COX10: variants seen among roughly 807,000 people sequenced by gnomAD.
COX10 encodes the protein protoheme IX farnesyltransferase, mitochondrial.
In COX10, 27 loss-of-function variants were observed where a neutral mutation model predicts 37.3. The ratio of observed to expected loss-of-function variants is 0.72; its 90% CI spans 0.53 to 1.00. COX10 has a LOEUF of 1.00. Among genes scored for constraint, COX10 ranks in the 50% least tolerant of loss-of-function variants. The probability of loss-of-function intolerance (pLI) is 0.00; values close to 1 mark genes in which losing one functional copy is unlikely to be tolerated. For missense variants in COX10, 475 were observed against 563.2 expected, an observed-to-expected ratio of 0.84 and a Z score of 1.59; for synonymous variants, 222 against 229.1, an observed-to-expected ratio of 0.97 and a Z score of 0.28.
rs1367048860 is a variant in COX10 at position 14,074,373 on chromosome 17, T to G, written c.94T>G (p.Ser32Ala). The change falls in exon 2 of 7, where the codon TCC becomes GCC. Residue 32 changes from serine (S) to alanine (A), a missense_variant. Transcript: ENST00000261643. Reference protein sequence around the residue: ...WYLERRTIQDSPHKFLHLLRN... With the variant: ...WYLERRTIQDAPHKFLHLLRN... ...TCTTGAAAGAAGAACTATACAGGAC[T>G]CCCCTCACAAGTTCTTACATCTTCT... is the stretch of plus-strand genomic sequence containing the variant. 6.8e-6 allele frequency: 11 copies of G among 1,613,732 alleles called. No individual in the cohort carries two copies. In the Admixed American group the frequency reaches 1.3e-4, roughly 20 times the overall value.
At chr17:14,206,591 G>C (rs968201946) in intron 6 of COX10, among the ~76,000 whole-genome samples, 2 of 152,126 alleles carry the variant, frequency 1.3e-5, no homozygotes, top group African/African-American at 4.8e-5. Flanking sequence ...GGCACCCCCA[G>C]GTGAGAAAGG....
chr17:14,073,562 C>T (rs1915077711), intron 1 of COX10, among the ~76,000 whole-genome samples: 1 of 152,174 alleles, frequency 6.6e-6, no homozygotes, highest in Admixed American at 6.5e-5. Context: ...TACATTTGCT[C>T]AGGGACAATA....
At chr17:14,204,090 G>A (rs780601112) in intron 6 of COX10, among the ~76,000 whole-genome samples, 3 of 152,212 alleles carry the variant, frequency 2.0e-5, no homozygotes, top group African/African-American at 4.8e-5. Context: ...GAGTTTGGGC[G>A]CACTTTACTA....
rs560020308 is a variant in COX10, at chr17:14,193,602, G to A, written c.928+1381G>A. Among the ~76,000 whole-genome samples the A allele has an allele frequency of 2.7e-5, 4 of 147,136 alleles. No homozygotes were observed. The East Asian group carries it at 5.9e-4, about 22-fold the overall frequency. ...GGGGTCCTTTGGTGAGGTTTGCAGT[G>A]GATGAGGGAAGGGAGGGTTTAAAGC... On this transcript the variant is annotated intron_variant, in intron 6 of 6. Coordinates refer to ENST00000261643, the MANE Select transcript of COX10 (RefSeq NM_001303.4).
intron 4 of COX10, among the ~76,000 whole-genome samples, chr17:14,159,487 A>T (rs1218754648): frequency 6.6e-6 from 1 of 152,206 alleles, no homozygotes; most frequent in Non-Finnish European, 1.5e-5. Context: ...ACTTGAACTT[A>T]AAGAGGGACC....
chr17:14,087,691 T>G (rs1915440502), intron 3 of COX10, among the ~76,000 whole-genome samples: 1 of 152,052 alleles, frequency 6.6e-6, no homozygotes, highest in South Asian at 2.1e-4. Flanking sequence ...AAAGGTTTTT[T>G]TTTTTTTTTT....
chr17:14,072,447 C>A (rs960101710), intron 1 of COX10, among the ~76,000 whole-genome samples: 1 of 152,138 alleles, frequency 6.6e-6, no homozygotes, highest in South Asian at 2.1e-4. Flanking sequence ...TCTCGAACTC[C>A]TGACCTCAGG....
At chr17:14,190,476 G>A (rs1299793967) in intron 5 of COX10, among the ~76,000 whole-genome samples, 1 of 152,216 alleles carries the variant, frequency 6.6e-6, no homozygotes, top group Admixed American at 6.5e-5. Context: ...TCTCTCAGCT[G>A]TAATTTATGG....
intron 2 of COX10, among the ~76,000 whole-genome samples, chr17:14,076,247 G>A (rs1003624295): frequency 9.9e-5 from 15 of 151,394 alleles, no homozygotes; most frequent in Non-Finnish European, 1.6e-4. Context: ...GACTGTGGGC[G>A]TATGCCACCA....
chr17:14,163,065 A>T (rs12936411), intron 5 of COX10, among the ~76,000 whole-genome samples: 88,096 of 151,848 alleles, frequency 0.58, 25,975 homozygotes, highest in Non-Finnish European at 0.63. Context: ...CAATAAAGTT[A>T]CTGACTGGTT....
At chr17:14,156,918 C>T (rs2323098) in intron 4 of COX10, among the ~76,000 whole-genome samples, 88,190 of 152,018 alleles carry the variant, frequency 0.58, 26,007 homozygotes, top group East Asian at 0.63. Context: ...AAACATTTTC[C>T]GCAGAGTCAG....
chr17:14,141,185 A>G (rs989211632), intron 4 of COX10, among the ~76,000 whole-genome samples: 1 of 152,068 alleles, frequency 6.6e-6, no homozygotes, highest in Non-Finnish European at 1.5e-5. Flanking sequence ...GCCAGTTGAC[A>G]AAATTTCCAC....
chr17:14,134,402 ATG>A (rs1916532906), intron 4 of COX10, among the ~76,000 whole-genome samples: 1 of 151,812 alleles, frequency 6.6e-6, no homozygotes, highest in Non-Finnish European at 1.5e-5. Context: ...ATGTTAGAAA[ATG>A]TTTGTTTTCT....
chr17:14,186,519 C>A (rs1364481564), intron 5 of COX10, among the ~76,000 whole-genome samples: 6 of 151,664 alleles, frequency 4.0e-5, no homozygotes, highest in African/African-American at 1.5e-4. Context: ...AGGTTAGGTG[C>A]CCCTGACTGC....
At chr17:14,150,911 A>T (rs1335290160) in intron 4 of COX10, among the ~76,000 whole-genome samples, 1 of 152,200 alleles carries the variant, frequency 6.6e-6, no homozygotes, top group African/African-American at 2.4e-5. Context: ...GTATATGAAA[A>T]AGGGGGCCAA....
chr17:14,145,628 G>A (rs998249445), intron 4 of COX10, among the ~76,000 whole-genome samples: 19 of 152,184 alleles, frequency 1.2e-4, no homozygotes, highest in Admixed American at 3.3e-4. Flanking sequence ...TTTGTAAGCC[G>A]TGTTAGAGCA....
rs547853551 is a variant in COX10, at chr17:14,198,182, C to T, written c.928+5961C>T. 3.3e-5 allele frequency among the ~76,000 whole-genome samples: 5 copies of T among 152,190 alleles called. No homozygotes were observed. The East Asian group carries it at 5.8e-4, about 18-fold the overall frequency. ...TGACAGAAGTGACCTGCTGGAGCCG[C>T]GGTGAAGGAGTCCACTCTGAGGAGG... On this transcript the variant is annotated intron_variant, in intron 6 of 6. Transcript: ENST00000261643.
chr17:14,205,694 C>T (rs751801354), intron 6 of COX10, among the ~76,000 whole-genome samples: 10 of 152,180 alleles, frequency 6.6e-5, no homozygotes, highest in Non-Finnish European at 1.2e-4. Flanking sequence ...CATAGAAGGA[C>T]CCTGGCCTGA....
At chr17:14,119,072 C>G (rs761291106) in intron 4 of COX10, among the ~76,000 whole-genome samples, 3 of 151,894 alleles carry the variant, frequency 2.0e-5, no homozygotes, top group African/African-American at 7.3e-5. Context: ...GTTTCAGTTG[C>G]TGTTATTTCC....
Sources: allele counts gnomAD v4.1 joint callset (sites outside exome capture counted in the v4.1 genomes callset), GRCh38; gene constraint gnomAD v4.1.1; transcripts MANE v1.5; gene names NCBI Gene and HGNC (gene_info 2026-07-23, HGNC 2026-07-21).